The following KIAA1210 variants were observed in gnomAD, a reference collection of about 807,000 sequenced individuals.
The protein encoded by KIAA1210 is KIAA1210, also known as acrosomal protein KIAA1210.
In KIAA1210, 48 loss-of-function variants were observed where a neutral mutation model predicts 78.9. The observed-to-expected ratio is 0.61, with a 90% CI of 0.48 to 0.77. KIAA1210 has a LOEUF of 0.77. KIAA1210 is among the 30% of genes least tolerant of loss of function. KIAA1210 has a pLI of 0.00. For missense variants in KIAA1210, 1,108 were observed against 1,100.0 expected (o/e 1.01, Z -0.10); for synonymous variants, 406 against 404.5 (o/e 1.00, Z -0.04).
intron 2 of KIAA1210, among the ~76,000 whole-genome samples, chrX:119,138,033 G>A (rs1928955409): frequency 9.0e-6 from 1 of 110,653 alleles, no homozygotes; most frequent in Non-Finnish European, 1.9e-5. Flanking sequence ...AAAGAACAAG[G>A]GAAGGTGAAA....
intron 8 of KIAA1210, 21 bp from the exon 9 acceptor site, chrX:119,089,767 G>A: frequency 8.6e-7 from 1 of 1,157,989 alleles, no homozygotes; most frequent in Non-Finnish European, 1.2e-6. Flanking sequence ...CAGAAATAAG[G>A]AAAGGAGAAA....
chrX:119,089,275 T>C lies in KIAA1210; in HGVS notation c.1427A>G (p.Tyr476Cys). ...AGCTCCAGAAGCTGCATCTTCATGGTATGGTTGTGGATCACTAACCATGGA... is the reference window on the plus strand; with the variant it reads ...AGCTCCAGAAGCTGCATCTTCATGGCATGGTTGTGGATCACTAACCATGGA... Reference protein sequence around the residue: ...DNSMVSDPQPYHEDAASGAEK... With the variant: ...DNSMVSDPQPCHEDAASGAEK... The change falls in exon 9 of 12, where the codon TAC becomes TGC. Residue 476 changes from tyrosine (Y) to cysteine (C), a missense_variant. Transcript: ENST00000691062. 1 of 1,211,124 alleles carries C rather than the reference T, an allele frequency of 8.3e-7. No individual in the cohort carries two copies. The highest frequency in any genetic ancestry group is 1.1e-6 in the Non-Finnish European group (1 of 894,678).
At chrX:119,093,983 A>G in intron 7 of KIAA1210, 1 of 1,127,282 alleles carries the variant, frequency 8.9e-7, no homozygotes. Flanking sequence ...GGATCATTTT[A>G]CCTACTGGAA....
At position 119,108,426 on chromosome X, in the gene KIAA1210, G is replaced by A; in HGVS notation, c.403C>T (p.Pro135Ser). Residue 135 changes from proline to serine, a missense_variant, in exon 5 of 12, where the codon CCT (proline) becomes TCT (serine). By Grantham distance (74) the Pro-to-Ser change is moderately conservative. This residue lies in a region of KIAA1210 where 672 missense variants were observed against 607.1 expected (regional missense o/e 1.11). Coordinates refer to ENST00000691062, the MANE Select transcript of KIAA1210 (RefSeq NM_001394962.1). ...RTLPKPRSKV[P>S]GVVSGAMSGA... ...GACATGGCTCCAGACACAACTCCAG[G>A]AACCTTACTCCTAGGTTTAGGCAGA... The A allele has an allele frequency of 8.3e-7, 1 of 1,210,030 alleles. No individual in the cohort carries two copies. Among genetic ancestry groups the A allele is most frequent in the Non-Finnish European group, 1.1e-6 (1 of 894,409 alleles).
rs2124405 is a variant in KIAA1210 at position 119,102,682 on chromosome X, A to G, written c.648+2310T>C. Among the ~76,000 whole-genome samples the G allele has an allele frequency of 7.8e-3, 871 of 112,257 alleles. 11 individuals are homozygous for G. Among genetic ancestry groups the G allele is most frequent in the African/African-American group, 0.027 (838 of 30,896 alleles). On this transcript the variant is annotated intron_variant, in intron 6 of 11. Transcript: ENST00000691062. ...TTGTAGCACTCAAAATTAACTCTTT[A>G]TTAGCCAATTCAGTGGAATAACTTA... is the stretch of plus-strand genomic sequence containing the variant.
chrX:119,096,739 T>G (rs1277759179), intron 6 of KIAA1210, 48 bp from the exon 7 acceptor site: 1 of 970,921 alleles, frequency 1.0e-6, no homozygotes, highest in Non-Finnish European at 1.4e-6. Context: ...ATGCTGTTAC[T>G]GGTCTCAAAA....
chrX:119,143,313 C>G (rs1049239254), intron 2 of KIAA1210, among the ~76,000 whole-genome samples: 1 of 112,421 alleles, frequency 8.9e-6, no homozygotes, highest in East Asian at 2.8e-4. Flanking sequence ...AACCTGTGCC[C>G]TTGGCCCATT....
At chrX:119,131,351 C>T (rs1928786696), upstream of KIAA1210, among the ~76,000 whole-genome samples, 1 of 111,085 alleles carries the variant, frequency 9.0e-6, no homozygotes, top group African/African-American at 3.3e-5. Context: ...ATTGCGTGCG[C>T]ATGGACATAA....
intron 6 of KIAA1210, among the ~76,000 whole-genome samples, chrX:119,103,926 T>C (rs941995028): frequency 1.8e-5 from 2 of 111,791 alleles, no homozygotes; most frequent in Non-Finnish European, 3.8e-5. Flanking sequence ...AGAATAGTTG[T>C]TGTCAGGGGC....
In KIAA1210 at chrX:119,086,827, TTGG is replaced by T; in HGVS notation, c.3872_3874del (p.Ser1291_Asn1292delinsTyr). ...AAAAAGCTTTTCAACATCATCCTGA[TTGG>T]ATAGGTTTGCATGCTGGTTATTATT... is the stretch of plus-strand genomic sequence containing the variant. On this transcript the variant is annotated inframe_deletion, in exon 9 of 12. Transcript: ENST00000691062. The T allele has an allele frequency of 8.3e-7, 1 of 1,211,426 alleles. No homozygotes were observed. The highest frequency in any genetic ancestry group is 1.1e-6 in the Non-Finnish European group (1 of 895,421).
At chrX:119,128,762 G>A (rs372450177), upstream of KIAA1210, among the ~76,000 whole-genome samples, 435 of 110,937 alleles carry the variant, frequency 3.9e-3, 2 homozygotes, top group African/African-American at 0.013. Context: ...TGCAACCTCC[G>A]CCACCCGGGT....
At chrX:119,106,373 T>C (rs889288322) in intron 5 of KIAA1210, among the ~76,000 whole-genome samples, 6 of 111,782 alleles carry the variant, frequency 5.4e-5, no homozygotes, top group Non-Finnish European at 1.1e-4. Context: ...ATTTGAGAGA[T>C]GATGTAACCT....
intron 6 of KIAA1210, among the ~76,000 whole-genome samples, chrX:119,097,418 C>T (rs1927591157): frequency 9.0e-6 from 1 of 111,607 alleles, no homozygotes; most frequent in Admixed American, 9.5e-5. Flanking sequence ...TTTTCCATAT[C>T]TCAAAGAGCC....
chrX:119,122,061 ATTTTTTTTT>A (rs781688572), intron 2 of KIAA1210, among the ~76,000 whole-genome samples: 1 of 56,487 alleles, frequency 1.8e-5, no homozygotes, highest in East Asian at 5.9e-4. Flanking sequence ...CGCGCCCGGC[ATTTTTTTTT>A]TTTTTTTTTT....
Position 119,119,698 on chromosome X carries a change from C to T in KIAA1210, c.62-3034G>A, listed in dbSNP as rs181628456. The stretch of plus-strand genomic sequence containing the variant: ...CATCTGTATTGAAAATAAAAAAGGC[C>T]GGGCGCGGTGGCTCACGCCTGTAAT... On this transcript the variant is annotated intron_variant, in intron 2 of 11. Transcript: ENST00000691062. Among the ~76,000 whole-genome samples the T allele has an allele frequency of 8.1e-3, 900 of 110,807 alleles. 3 individuals are homozygous for T. The highest frequency in any genetic ancestry group is 1.0e-2 in the Non-Finnish European group (526 of 52,829).
At chrX:119,099,131 T>C (rs1234364450) in intron 6 of KIAA1210, among the ~76,000 whole-genome samples, 3 of 112,979 alleles carry the variant, frequency 2.7e-5, no homozygotes, top group Admixed American at 9.4e-5. Context: ...GAAAGCCAAC[T>C]TATGATGCCC....
chrX:119,109,332 G>A lies in KIAA1210; in HGVS notation c.231-130C>T, dbSNP rs1478204023. ...GCAGGGATGCATATGTGCTGACATA[G>A]AAAGTGGTTCATGAGATAGTAAGTG... On this transcript the variant is annotated intron_variant, in intron 3 of 11. Transcript: ENST00000691062. 3 of 609,126 alleles carry A rather than the reference G, an allele frequency of 4.9e-6. No individual in the cohort carries two copies. In the East Asian group the frequency reaches 1.1e-4, roughly 22 times the overall value. 50.2% of individuals were successfully genotyped at this position (609,126 alleles called of 1,213,427 possible).
upstream of KIAA1210, among the ~76,000 whole-genome samples, chrX:119,128,983 T>C (rs1159753968): frequency 8.9e-6 from 1 of 112,594 alleles, no homozygotes; most frequent in Non-Finnish European, 1.9e-5. Context: ...CCAATTATTC[T>C]TTATTAACAT....
exon 1 of KIAA1210, chrX:119,150,527 A>G (rs1346380168): frequency 8.3e-7 from 1 of 1,208,779 alleles, no homozygotes; most frequent in African/African-American, 1.7e-5. Flanking sequence ...CCGGCCAGGA[A>G]GGAGAGAAGC....
Sources: allele counts gnomAD v4.1 joint callset (sites outside exome capture counted in the v4.1 genomes callset), GRCh38; gene constraint gnomAD v4.1.1; regional missense constraint gnomAD v4.1.1; transcripts MANE v1.5; gene names NCBI Gene and HGNC (gene_info 2026-07-23, HGNC 2026-07-21).